KIAA1217: variants seen among roughly 807,000 people sequenced by gnomAD.
KIAA1217 encodes the protein sickle tail protein homolog.
In KIAA1217, 88 loss-of-function variants were observed where a neutral mutation model predicts 163.9. That is an observed-to-expected ratio of 0.54 (90% CI 0.45 to 0.64). The LOEUF is 0.64. Ranked by LOEUF, KIAA1217 falls within the 30% of genes least tolerant of loss-of-function variation. The probability of loss-of-function intolerance (pLI) is 0.00; values close to 1 mark genes in which losing one functional copy is unlikely to be tolerated. For missense variants in KIAA1217, 2,372 were observed against 2,475.0 expected, an observed-to-expected ratio of 0.96 and a Z score of 0.88; for synonymous variants, 903 against 923.1, an observed-to-expected ratio of 0.98 and a Z score of 0.39.
At chr10:24,044,031 T>C (rs1848811388) in intron 2 of KIAA1217, among the ~76,000 whole-genome samples, 1 of 152,082 alleles carries the variant, frequency 6.6e-6, no homozygotes, top group Non-Finnish European at 1.5e-5. Flanking sequence ...AGTTGGGGGA[T>C]TTTTTGAGTT....
intron 2 of KIAA1217, among the ~76,000 whole-genome samples, chr10:24,200,350 G>T (rs893853912): frequency 6.6e-6 from 1 of 151,802 alleles, no homozygotes; most frequent in African/African-American, 2.4e-5. Flanking sequence ...ATGAGGTCTC[G>T]CTGTGTTGCC....
At chr10:24,057,699 C>T (rs7098152) in intron 2 of KIAA1217, among the ~76,000 whole-genome samples, 39,805 of 152,116 alleles carry the variant, frequency 0.26, 10,886 homozygotes, top group African/African-American at 0.7. Flanking sequence ...TTGTATGTCT[C>T]CTTCGGAGTC....
intron 10 of KIAA1217, among the ~76,000 whole-genome samples, chr10:24,515,338 G>T: frequency 6.6e-6 from 1 of 152,134 alleles, no homozygotes; most frequent in Non-Finnish European, 1.5e-5. Context: ...AAAGTGTTGG[G>T]ATTACAGGCA....
At chr10:24,111,864 C>G (rs77071455) in intron 2 of KIAA1217, among the ~76,000 whole-genome samples, 4,740 of 152,258 alleles carry the variant, frequency 0.031, 94 homozygotes, top group South Asian at 0.047. Flanking sequence ...ACCTCCTGGA[C>G]TTAAAAGATC....
At chr10:23,978,279 A>T (rs1230354251) in intron 1 of KIAA1217, among the ~76,000 whole-genome samples, 2 of 152,190 alleles carry the variant, frequency 1.3e-5, no homozygotes, top group African/African-American at 4.8e-5. Context: ...GCTTCAACTC[A>T]CCCTTCTTGA....
chr10:24,327,585 G>A (rs2045090357), intron 2 of KIAA1217, among the ~76,000 whole-genome samples: 1 of 152,036 alleles, frequency 6.6e-6, no homozygotes, highest in African/African-American at 2.4e-5. Flanking sequence ...CAAACTCCTG[G>A]GTTGAAGCGA....
chr10:23,933,898 G>T (rs781760237), intron 1 of KIAA1217, among the ~76,000 whole-genome samples: 1 of 152,184 alleles, frequency 6.6e-6, no homozygotes, highest in Non-Finnish European at 1.5e-5. Context: ...ATAGATGCTG[G>T]TGAGGCTGTG....
chr10:23,859,292 TG>T (rs1204451749), intron 1 of KIAA1217, among the ~76,000 whole-genome samples: 1 of 152,216 alleles, frequency 6.6e-6, no homozygotes, highest in Non-Finnish European at 1.5e-5. Context: ...TAAGTGCTTC[TG>T]GGATCTCTTT....
At chr10:24,427,861 T>A (rs1355389898) in intron 3 of KIAA1217, among the ~76,000 whole-genome samples, 1 of 152,152 alleles carries the variant, frequency 6.6e-6, no homozygotes, top group Non-Finnish European at 1.5e-5. Flanking sequence ...TCCTTCTGAG[T>A]CTAAGCATTT....
At chr10:23,849,753 T>A (rs939757094) in intron 1 of KIAA1217, among the ~76,000 whole-genome samples, 5 of 152,112 alleles carry the variant, frequency 3.3e-5, no homozygotes, top group African/African-American at 1.2e-4. Context: ...CATCTCTCTG[T>A]CTACTTTCCC....
chr10:24,047,214 C>T (rs1445654036), intron 2 of KIAA1217, among the ~76,000 whole-genome samples: 1 of 152,154 alleles, frequency 6.6e-6, no homozygotes, highest in East Asian at 1.9e-4. Flanking sequence ...TATACACACA[C>T]ACAAACACAC....
At chr10:23,824,631 GAAAAAAA>G (rs1216051100) in intron 1 of KIAA1217, among the ~76,000 whole-genome samples, 118 of 11,380 alleles carry the variant, frequency 0.01, no homozygotes, top group Non-Finnish European at 0.025. Flanking sequence ...TCTGTCTCAA[GAAAAAAA>G]AAAAAAAAAA....
At chr10:23,751,534 CT>C (rs1409867899) in intron 1 of KIAA1217, among the ~76,000 whole-genome samples, 1 of 151,594 alleles carries the variant, frequency 6.6e-6, no homozygotes, top group African/African-American at 2.4e-5. Context: ...GCTAAAATGT[CT>C]TTTTTTTAAG....
At chr10:24,163,546 C>T (rs2065213433) in intron 2 of KIAA1217, among the ~76,000 whole-genome samples, 1 of 152,166 alleles carries the variant, frequency 6.6e-6, no homozygotes, top group African/African-American at 2.4e-5. Flanking sequence ...AAATGGCACC[C>T]TAGAGTTTTC....
At chr10:24,355,204 G>A (rs747515672) in intron 2 of KIAA1217, among the ~76,000 whole-genome samples, 5 of 152,170 alleles carry the variant, frequency 3.3e-5, no homozygotes, top group Non-Finnish European at 5.9e-5. Context: ...GTGTAAGCAG[G>A]TGGGCTTCAG....
At chr10:24,242,806 T>G (rs1300547261) in intron 2 of KIAA1217, among the ~76,000 whole-genome samples, 4 of 152,208 alleles carry the variant, frequency 2.6e-5, no homozygotes, top group Non-Finnish European at 5.9e-5. Context: ...GGTATCTCAT[T>G]GTGGTTTTGA....
intron 2 of KIAA1217, among the ~76,000 whole-genome samples, chr10:24,240,281 C>G (rs76971795): frequency 0.028 from 4,335 of 152,240 alleles, 172 homozygotes; most frequent in African/African-American, 0.091. Flanking sequence ...TTCTTCCACA[C>G]AGTGCATGGC....
chr10:23,875,019 G>A (rs1840617919), intron 1 of KIAA1217, among the ~76,000 whole-genome samples: 1 of 151,980 alleles, frequency 6.6e-6, no homozygotes, highest in Non-Finnish European at 1.5e-5. Flanking sequence ...AGGAGCAAGA[G>A]AAAGATGAAA....
intron 1 of KIAA1217, among the ~76,000 whole-genome samples, chr10:23,725,446 T>C (rs1390300849): frequency 1.3e-5 from 2 of 152,218 alleles, no homozygotes; most frequent in African/African-American, 4.8e-5. Context: ...TGAATTATAC[T>C]TCCCCCATCC....
Sources: allele counts gnomAD v4.1 joint callset (sites outside exome capture counted in the v4.1 genomes callset), GRCh38; gene constraint gnomAD v4.1.1; transcripts MANE v1.5; gene names NCBI Gene and HGNC (gene_info 2026-07-23, HGNC 2026-07-21).